Variants in ETNPPL observed in about 807,000 individuals in gnomAD.
ETNPPL encodes ethanolamine-phosphate phospho-lyase, also known as alanine--glyoxylate aminotransferase 2-like 1.
Under a neutral mutation model 55.5 loss-of-function variants are expected in ETNPPL, and 30 were observed. The observed-to-expected ratio is 0.54, with a 90% CI of 0.40 to 0.73. ETNPPL has a LOEUF of 0.73. Ranked by LOEUF, ETNPPL falls within the 30% of genes least tolerant of loss-of-function variation. The probability of loss-of-function intolerance (pLI) is 0.00; values close to 1 mark genes in which losing one functional copy is unlikely to be tolerated. For synonymous variants in ETNPPL, 202 were observed against 207.2 expected, an observed-to-expected ratio of 0.98 and a Z score of 0.21; for missense variants, 528 against 607.9, an observed-to-expected ratio of 0.87 and a Z score of 1.38.
chr4:108,762,689 G>C (rs1402783068), intron 1 of ETNPPL, 154 bp downstream of exon 1: 2 of 933,626 alleles, frequency 2.1e-6, no homozygotes, highest in African/African-American at 3.2e-5. Context: ...CGCGGCCCCT[G>C]CAGGTGGAGG....
Position 108,750,725 on chromosome 4 carries a change from C to T in ETNPPL, c.701+211G>A, listed in dbSNP as rs77710059. Among the ~76,000 whole-genome samples, 12 of 150,676 alleles carry T rather than the reference C, an allele frequency of 8.0e-5. No homozygotes were observed. In the East Asian group the frequency reaches 1.4e-3, roughly 18 times the overall value. On this transcript the variant is annotated intron_variant, in intron 7 of 12. Coordinates refer to ENST00000296486, the MANE Select transcript of ETNPPL (RefSeq NM_031279.4). Reference sequence around the variant, plus strand: ...CTGGAGGCTGGAGCAGAGTTCTGAACCCCCGCTGTTGGACCATGTGTAAAC... The same window carrying T: ...CTGGAGGCTGGAGCAGAGTTCTGAATCCCCGCTGTTGGACCATGTGTAAAC...
chr4:108,744,097 C>T (rs1278797723), intron 11 of ETNPPL, among the ~76,000 whole-genome samples: 2 of 152,054 alleles, frequency 1.3e-5, no homozygotes, highest in East Asian at 3.9e-4. Flanking sequence ...CCCGTCTTTA[C>T]TAAAAATACA....
chr4:108,746,840 AG>A lies in ETNPPL; in HGVS notation c.1093del (p.Leu365PhefsTer7). The stretch of plus-strand genomic sequence containing the variant: ...CTTCACTAAATCAATTCCAATAAAA[AG>A]GCCAATGCCCCTGCGAGAGGTGAAG... ...TLIGDIRGIGLFIGIDLVKDH... is the reference protein window; with the variant it reads ...TLIGDIRGIGXFIGIDLVKDH... On this transcript the variant is annotated frameshift_variant, in exon 10 of 13. Transcript: ENST00000296486. LOFTEE classifies it high-confidence loss of function. 6.2e-7 allele frequency: 1 copy of A among 1,613,420 alleles called. No homozygotes were observed. Among genetic ancestry groups the A allele is most frequent in the Non-Finnish European group, 8.5e-7 (1 of 1,179,514 alleles).
chr4:108,755,884 A>G lies in ETNPPL; in HGVS notation c.410+534T>C, dbSNP rs966383685. 5.9e-5 allele frequency among the ~76,000 whole-genome samples: 9 copies of G among 152,370 alleles called. No individual in the cohort carries two copies. The East Asian group carries it at 1.7e-3, about 29-fold the overall frequency. On this transcript the variant is annotated intron_variant, in intron 4 of 12. Transcript: ENST00000296486. ...GAAGTTGCCAGATTTCTGGTTTAAA[A>G]TGTAATAAATTCATGTTTGACAGGT...
At chr4:108,762,569 C>G in intron 1 of ETNPPL, 2 of 630,766 alleles carry the variant, frequency 3.2e-6, no homozygotes, top group Admixed American at 2.5e-5. Context: ...ACCAACCCCT[C>G]TAGCCGGCCG....
chr4:108,762,789 T>A (rs1381740414), intron 1 of ETNPPL, 54 bp downstream of exon 1: 2 of 1,587,024 alleles, frequency 1.3e-6, no homozygotes, highest in African/African-American at 2.7e-5. Context: ...CTCCACCTTC[T>A]GCACTCGTTA....
Position 108,743,782 on chromosome 4 carries a change from CCCTTA to C in ETNPPL, c.1371+2_1371+6del. The C allele has an allele frequency of 6.3e-7, 1 of 1,598,286 alleles. No homozygotes were observed. Among genetic ancestry groups the C allele is most frequent in the Non-Finnish European group, 8.6e-7 (1 of 1,166,262 alleles). ...TTCCCCCTAAAAATAAAGTAGCCAA[CCCTTA>C]CCTTTGTTTTGCATGGAGTATTCTC... On this transcript the variant is annotated splice_donor_variant and splice_donor_5th_base_variant and intron_variant, in intron 12 of 12. Coordinates refer to ENST00000296486, the MANE Select transcript of ETNPPL (RefSeq NM_031279.4). LOFTEE classifies it high-confidence loss of function.
At chr4:108,759,380 G>A (rs1050846571) in intron 3 of ETNPPL, among the ~76,000 whole-genome samples, 5 of 120,366 alleles carry the variant, frequency 4.2e-5, no homozygotes, top group East Asian at 4.7e-4. Flanking sequence ...CAGCCTGAGC[G>A]ACAGAGCAAG....
At chr4:108,746,316 A>G in intron 11 of ETNPPL, 83 bp downstream of exon 11, 11 of 1,284,392 alleles carry the variant, frequency 8.6e-6, no homozygotes, top group Admixed American at 2.7e-5. Context: ...CAAGATGCAT[A>G]TGCTCATTAT....
intron 12 of ETNPPL, 138 bp from the exon 13 acceptor site, chr4:108,742,750 C>A: frequency 1.1e-6 from 1 of 878,478 alleles, no homozygotes. Context: ...CTTTCTAACC[C>A]TCTCCTCAGT....
At chr4:108,750,248 T>C (rs891882720) in intron 7 of ETNPPL, among the ~76,000 whole-genome samples, 5 of 152,122 alleles carry the variant, frequency 3.3e-5, no homozygotes, top group African/African-American at 1.2e-4. Flanking sequence ...AGCAGATCCA[T>C]GCTTAATCTG....
intron 8 of ETNPPL, among the ~76,000 whole-genome samples, chr4:108,748,791 T>C (rs1187124769): frequency 6.6e-6 from 1 of 152,144 alleles, no homozygotes; most frequent in African/African-American, 2.4e-5. Context: ...GAAAATATCA[T>C]AACCTGTAGA....
At chr4:108,749,043 C>A (rs1017834374) in intron 8 of ETNPPL, among the ~76,000 whole-genome samples, 195 bp downstream of exon 8, 2 of 151,696 alleles carry the variant, frequency 1.3e-5, no homozygotes, top group Non-Finnish European at 1.5e-5. Context: ...ACTCATGTAT[C>A]CCAGAACTTA....
intron 11 of ETNPPL, among the ~76,000 whole-genome samples, chr4:108,744,110 A>C (rs1322660922): frequency 6.6e-6 from 1 of 152,056 alleles, no homozygotes; most frequent in Non-Finnish European, 1.5e-5. Flanking sequence ...AAAATACAAA[A>C]ATTAGCCGGA....
chr4:108,756,515 G>A, intron 3 of ETNPPL, 23 bp from the exon 4 acceptor site: 1 of 1,570,020 alleles, frequency 6.4e-7, no homozygotes, highest in South Asian at 1.1e-5. Context: ...CATAGAGAGA[G>A]AGGACACTGT....
At chr4:108,744,504 G>A (rs1728369891) in intron 11 of ETNPPL, among the ~76,000 whole-genome samples, 1 of 151,932 alleles carries the variant, frequency 6.6e-6, no homozygotes, top group African/African-American at 2.4e-5. Context: ...TGGGATCAAA[G>A]GACACATCTG....
chr4:108,762,278 G>A (rs180828153), intron 1 of ETNPPL: 124 of 446,954 alleles, frequency 2.8e-4, no homozygotes, highest in African/African-American at 2.0e-3. Context: ...GGGTAAGAGG[G>A]ATCTAAATAA....
intron 7 of ETNPPL, among the ~76,000 whole-genome samples, chr4:108,749,833 C>G (rs752302): frequency 0.16 from 24,682 of 151,994 alleles, 2,787 homozygotes; most frequent in East Asian, 0.48. Flanking sequence ...TCAGCCTCCC[C>G]AGTAGCTGGA....
intron 3 of ETNPPL, among the ~76,000 whole-genome samples, chr4:108,757,543 C>T (rs898179944): frequency 5.3e-5 from 8 of 152,030 alleles, no homozygotes; most frequent in Non-Finnish European, 4.4e-5. Context: ...TAGGCCAAGG[C>T]GGGAAGATTT....
Sources: gnomAD v4.1 joint callset for allele counts (sites outside exome capture counted in the v4.1 genomes callset) on GRCh38, gnomAD v4.1.1 for gene constraint, MANE v1.5 for transcripts, NCBI Gene and HGNC (gene_info 2026-07-23, HGNC 2026-07-21) for gene names.